The following GNAQ variants were observed in gnomAD, a reference collection of about 807,000 sequenced individuals.
The protein encoded by GNAQ is G protein subunit alpha q.
A neutral mutation model predicts 43.9 loss-of-function variants in GNAQ; 8 were observed. The ratio of observed to expected loss-of-function variants is 0.18; its 90% confidence interval spans 0.11 to 0.33. The LOEUF is 0.33. GNAQ is among the 10% of genes least tolerant of loss of function. GNAQ has a pLI of 1.00. For missense variants in GNAQ, 158 were observed against 450.8 expected (o/e 0.35, Z 5.88); for synonymous variants, 155 against 170.7 (o/e 0.91, Z 0.71).
chr9:77,743,411 G>A (rs1474262606), intron 5 of GNAQ, among the ~76,000 whole-genome samples: 4 of 152,162 alleles, frequency 2.6e-5, no homozygotes, highest in Admixed American at 2.6e-4. Context: ...GGAAATAGGT[G>A]GGAAAATTTT....
intron 1 of GNAQ, among the ~76,000 whole-genome samples, chr9:77,962,876 T>C (rs1180798651): frequency 2.2e-5 from 2 of 89,328 alleles, no homozygotes; most frequent in Non-Finnish European, 2.1e-5. Context: ...TGGGCAACAA[T>C]AGTGAAACTT....
At chr9:77,911,845 C>T (rs866147461) in intron 2 of GNAQ, among the ~76,000 whole-genome samples, 1 of 152,216 alleles carries the variant, frequency 6.6e-6, no homozygotes. Context: ...GCCACCATCA[C>T]CCTTCATAAA....
intron 2 of GNAQ, among the ~76,000 whole-genome samples, chr9:77,863,703 G>C (rs1256559566): frequency 1.3e-5 from 2 of 152,160 alleles, no homozygotes; most frequent in Non-Finnish European, 2.9e-5. Flanking sequence ...GAGGTTTAAT[G>C]GACTTACAGT....
In GNAQ at chr9:78,031,340, C is replaced by T. The variant is rs1009484601; in HGVS notation, c.-105G>A. 1.2e-5 allele frequency: 11 copies of T among 921,588 alleles called. No homozygotes were observed. The African/African-American group carries it at 1.9e-4, about 16-fold the overall frequency. 57.1% of individuals were successfully genotyped at this position (921,588 alleles called of 1,614,324 possible). A position where few individuals can be genotyped will look rare whatever the true frequency, so the allele number is the denominator to read the frequency against. On this transcript the variant is annotated 5_prime_UTR_variant, in exon 1 of 7. Transcript: ENST00000286548. ...CCCGAGGCAGCGGTGGCCGCCGAGC[C>T]CCCGCCGCCCGGGCGCGCGTCCGGG...
At chr9:77,830,898 TC>T (rs755242011) in intron 2 of GNAQ, among the ~76,000 whole-genome samples, 7 of 152,214 alleles carry the variant, frequency 4.6e-5, no homozygotes, top group Middle Eastern at 3.4e-3. Context: ...TGAGAAAAAG[TC>T]CTTTAAAGAA....
intron 5 of GNAQ, among the ~76,000 whole-genome samples, chr9:77,740,256 T>C (rs954385851): frequency 6.6e-6 from 1 of 152,214 alleles, no homozygotes; most frequent in Non-Finnish European, 1.5e-5. Context: ...GTATGACACC[T>C]GAGCCCTGCT....
intron 2 of GNAQ, among the ~76,000 whole-genome samples, chr9:77,846,114 C>T (rs1022210752): frequency 1.8e-4 from 28 of 152,320 alleles, no homozygotes; most frequent in African/African-American, 6.5e-4. Context: ...CACAAACGTG[C>T]TGTTTGGCCA....
At chr9:77,803,194 C>T (rs901411812) in intron 3 of GNAQ, among the ~76,000 whole-genome samples, 8 of 152,154 alleles carry the variant, frequency 5.3e-5, no homozygotes, top group African/African-American at 1.2e-4. Context: ...TTACTTCTCT[C>T]GGCTATTACT....
At chr9:77,747,281 C>G (rs1685721524) in intron 5 of GNAQ, among the ~76,000 whole-genome samples, 1 of 152,056 alleles carries the variant, frequency 6.6e-6, no homozygotes, top group Non-Finnish European at 1.5e-5. Context: ...GGCAAGACAA[C>G]AAAGCAGCAG....
intron 1 of GNAQ, among the ~76,000 whole-genome samples, chr9:78,005,216 T>G (rs761478690): frequency 6.6e-6 from 1 of 152,094 alleles, no homozygotes; most frequent in Non-Finnish European, 1.5e-5. Context: ...CAGCTAATTT[T>G]TGTATTATTT....
intron 3 of GNAQ, among the ~76,000 whole-genome samples, chr9:77,808,568 T>C (rs1223589796): frequency 6.6e-6 from 1 of 152,062 alleles, no homozygotes; most frequent in Non-Finnish European, 1.5e-5. Context: ...AGAGAATAAT[T>C]TCTCTGTTCA....
chr9:77,765,714 T>C (rs1227869766), intron 5 of GNAQ, among the ~76,000 whole-genome samples: 1 of 152,070 alleles, frequency 6.6e-6, no homozygotes, highest in Non-Finnish European at 1.5e-5. Context: ...CATCAAAAAG[T>C]AAAAAATACA....
intron 1 of GNAQ, among the ~76,000 whole-genome samples, chr9:77,951,246 C>T (rs765735580): frequency 2.0e-5 from 3 of 151,846 alleles, no homozygotes; most frequent in African/African-American, 7.3e-5. Context: ...TACAGGCTCA[C>T]GCCACCATGC....
intron 5 of GNAQ, among the ~76,000 whole-genome samples, chr9:77,761,879 G>A (rs1223422809): frequency 1.1e-5 from 1 of 88,262 alleles, no homozygotes; most frequent in Non-Finnish European, 2.4e-5. Context: ...CTGGCCAGCC[G>A]CCCCATCCGG....
chr9:77,756,925 C>T (rs1825912933), intron 5 of GNAQ, among the ~76,000 whole-genome samples: 1 of 152,162 alleles, frequency 6.6e-6, no homozygotes, highest in Non-Finnish European at 1.5e-5. Flanking sequence ...AATAAGCACT[C>T]TGTTTCTTCA....
At chr9:77,873,164 C>G (rs1399003891) in intron 2 of GNAQ, among the ~76,000 whole-genome samples, 3 of 152,142 alleles carry the variant, frequency 2.0e-5, no homozygotes, top group Non-Finnish European at 1.5e-5. Context: ...AGAATAGAAA[C>G]AGAACTGTAA....
At chr9:77,765,927 G>C (rs1226035333) in intron 5 of GNAQ, among the ~76,000 whole-genome samples, 1 of 152,188 alleles carries the variant, frequency 6.6e-6, no homozygotes, top group Non-Finnish European at 1.5e-5. Context: ...CTTGACACAT[G>C]CATGCTACAT....
At position 77,804,298 on chromosome 9, in the gene GNAQ, TGAAG is replaced by T. The variant is rs556286459; in HGVS notation, c.477-6654_477-6651del. Among the ~76,000 whole-genome samples the T allele has an allele frequency of 3.9e-5, 6 of 152,204 alleles. No homozygotes were observed. The East Asian group carries it at 9.7e-4, about 24-fold the overall frequency. ...TTCAAGTGCTTTGTTTTCTCTTAAA[TGAAG>T]GAAACAAAAAATTAAAATTTAGAGA... is the stretch of plus-strand genomic sequence containing the variant. On this transcript the variant is annotated intron_variant, in intron 3 of 6. Coordinates refer to ENST00000286548, the MANE Select transcript of GNAQ (RefSeq NM_002072.5).
intron 2 of GNAQ, among the ~76,000 whole-genome samples, chr9:77,889,914 C>T (rs1271779146): frequency 2.6e-5 from 4 of 151,974 alleles, no homozygotes; most frequent in Admixed American, 6.6e-5. Context: ...TCCAGTTATC[C>T]GAAATGTTTG....
Sources: allele counts gnomAD v4.1 joint callset (sites outside exome capture counted in the v4.1 genomes callset), GRCh38; gene constraint gnomAD v4.1.1; transcripts MANE v1.5; gene names NCBI Gene and HGNC (gene_info 2026-07-23, HGNC 2026-07-21).